The following CDH2 variants were observed in gnomAD, a reference collection of about 807,000 sequenced individuals.
The protein encoded by CDH2 is cadherin 2, also known as cadherin-2.
In CDH2, 17 loss-of-function variants were observed where a neutral mutation model predicts 92.0. The ratio of observed to expected loss-of-function variants is 0.18; its 90% CI spans 0.13 to 0.28. The LOEUF is 0.28. Ranked by LOEUF, CDH2 falls within the 10% of genes least tolerant of loss-of-function variation. The pLI is 1.00. For synonymous variants in CDH2, 419 were observed against 415.9 expected, an observed-to-expected ratio of 1.01 and a Z score of -0.09; for missense variants, 862 against 1,133.1, an observed-to-expected ratio of 0.76 and a Z score of 3.44.
Position 28,093,050 on chromosome 18 carries a change from T to C in CDH2, c.172+54623A>G, listed in dbSNP as rs188524823. On this transcript the variant is annotated intron_variant, in intron 2 of 15. Coordinates refer to ENST00000269141, the MANE Select transcript of CDH2 (RefSeq NM_001792.5). ...AAAAAGGATAGTGGCAACAGAGCGG[T>C]TGGACATTTCATAAGTCATCACGAT... Among the ~76,000 whole-genome samples the C allele has an allele frequency of 8.5e-5, 13 of 152,244 alleles. No homozygotes were observed. The East Asian group carries it at 2.1e-3, about 25-fold the overall frequency.
At chr18:28,161,571 C>T (rs183007983) in intron 1 of CDH2, among the ~76,000 whole-genome samples, 28 of 147,220 alleles carry the variant, frequency 1.9e-4, no homozygotes, top group Admixed American at 7.4e-4. Flanking sequence ...CAGAGTGAAA[C>T]CCTGTCTCGA....
rs1316755633 is a variant in CDH2, at chr18:27,959,132, T to TAA, written c.2514+4223_2514+4224dup. On this transcript the variant is annotated intron_variant, in intron 15 of 15. Transcript: ENST00000269141. ...AAATTATTGGAGGTATATTAATATC[T>TAA]AACTGTTGGGCTGAGATTAAATGAA... 1.2e-4 allele frequency among the ~76,000 whole-genome samples: 18 copies of TAA among 152,222 alleles called. 1 individual carries two copies. Among genetic ancestry groups the TAA allele is most frequent in the Admixed American group, 1.2e-3 (18 of 15,276 alleles).
intron 2 of CDH2, among the ~76,000 whole-genome samples, chr18:28,131,739 T>C (rs571849092): frequency 2.6e-5 from 4 of 151,536 alleles, no homozygotes; most frequent in African/African-American, 9.7e-5. Context: ...ACAGCTCAGT[T>C]AAAATTTCAT....
At chr18:28,030,660 T>TG (rs968948778) in intron 2 of CDH2, among the ~76,000 whole-genome samples, 34 of 152,006 alleles carry the variant, frequency 2.2e-4, no homozygotes, top group African/African-American at 8.0e-4. Context: ...AGGAAGCTGG[T>TG]ACAGCAGCTA....
intron 6 of CDH2, among the ~76,000 whole-genome samples, chr18:27,939,127 C>T (rs980093073): frequency 2.6e-5 from 4 of 152,116 alleles, no homozygotes; most frequent in Non-Finnish European, 5.9e-5. Flanking sequence ...GCTCCTTCCT[C>T]TCAATTTGGC....
At chr18:27,944,105 T>A (rs1449200589) in intron 6 of CDH2, among the ~76,000 whole-genome samples, 1 of 152,200 alleles carries the variant, frequency 6.6e-6, no homozygotes, top group Admixed American at 6.5e-5. Context: ...TCTCATTCAA[T>A]GTTTTGCTGC....
chr18:27,955,936 T>C (rs1291967563), intron 15 of CDH2, among the ~76,000 whole-genome samples: 2 of 152,158 alleles, frequency 1.3e-5, no homozygotes, highest in East Asian at 3.9e-4. Flanking sequence ...GGTTAAGTAC[T>C]TTAAATCCCT....
intron 2 of CDH2, among the ~76,000 whole-genome samples, chr18:28,047,943 A>T (rs1310814157): frequency 1.3e-5 from 2 of 151,410 alleles, no homozygotes; most frequent in African/African-American, 4.8e-5. Flanking sequence ...CCTCTATTTA[A>T]TGTTTTAATA....
intron 2 of CDH2, among the ~76,000 whole-genome samples, chr18:28,059,560 T>C (rs2014360292): frequency 6.6e-6 from 1 of 152,218 alleles, no homozygotes; most frequent in Non-Finnish European, 1.5e-5. Flanking sequence ...CTAACTTCCA[T>C]TTTCTATCCA....
chr18:27,985,154 C>G lies in CDH2; in HGVS notation c.2055G>C (p.Ser685=), dbSNP rs758403489. 1 of 1,613,602 alleles carries G rather than the reference C, an allele frequency of 6.2e-7. No individual in the cohort carries two copies. The highest frequency in any genetic ancestry group is 1.1e-5 in the South Asian group (1 of 91,078). Residue 685 remains serine, a synonymous_variant, in exon 13 of 16, where the codon TCG becomes TCC. Coordinates refer to ENST00000269141, the MANE Select transcript of CDH2 (RefSeq NM_001792.5). ...IYEVPIIITD[S]GNPPKSNISI... ...AAATATTTGATTTGGGAGGATTACC[C>G]GAATCTGTGATTATGATGGGAACTT...
chr18:27,952,239 C>G lies in CDH2; in HGVS notation c.2635G>C (p.Gly879Arg). ...AGGTAATCATAGTCCTGCTCACCAC[C>G]ACTACTTGAGGAATTAAGGGAGCTC... is the stretch of plus-strand genomic sequence containing the variant. ...SLSSLNSSSS[G>R]GEQDYDYLND... The change falls in exon 16 of 16, where the codon GGT (glycine) becomes CGT (arginine). Residue 879 changes from glycine to arginine, a missense_variant. Gly to Arg is a moderately radical substitution (Grantham distance 125). Transcript: ENST00000269141. The G allele has an allele frequency of 6.2e-7, 1 of 1,613,694 alleles. No individual in the cohort carries two copies. The highest frequency in any genetic ancestry group is 8.5e-7 in the Non-Finnish European group (1 of 1,179,740).
chr18:28,103,289 T>C (rs1599102648), intron 2 of CDH2, among the ~76,000 whole-genome samples: 1 of 145,158 alleles, frequency 6.9e-6, no homozygotes, highest in African/African-American at 2.5e-5. Flanking sequence ...AGTATATATA[T>C]AAAAACTCCT....
At chr18:28,077,029 G>A (rs2014733748) in intron 2 of CDH2, among the ~76,000 whole-genome samples, 2 of 152,022 alleles carry the variant, frequency 1.3e-5, no homozygotes, top group Admixed American at 1.3e-4. Context: ...ATCAACTATG[G>A]AAGCACCTAT....
At chr18:28,140,901 T>C (rs2015942456) in intron 2 of CDH2, among the ~76,000 whole-genome samples, 1 of 149,448 alleles carries the variant, frequency 6.7e-6, no homozygotes, top group African/African-American at 2.5e-5. Flanking sequence ...ACAAGATATA[T>C]ATATATATAC....
chr18:28,023,660 G>T (rs2013469912), intron 2 of CDH2, among the ~76,000 whole-genome samples: 1 of 152,000 alleles, frequency 6.6e-6, no homozygotes, highest in Non-Finnish European at 1.5e-5. Flanking sequence ...ATATTTATTT[G>T]CCTCCCTGCA....
chr18:28,039,699 T>G (rs769610476), intron 2 of CDH2, among the ~76,000 whole-genome samples: 55 of 152,198 alleles, frequency 3.6e-4, no homozygotes, highest in Non-Finnish European at 7.1e-4. Context: ...GTGTTTTTTT[T>G]GTCAAATTCT....
intron 1 of CDH2, among the ~76,000 whole-genome samples, chr18:28,173,665 G>T (rs1291502939): frequency 6.6e-6 from 1 of 152,098 alleles, no homozygotes; most frequent in Admixed American, 6.5e-5. Context: ...GAATTTCTAT[G>T]AACATTAAAA....
chr18:27,945,220 G>C (rs1909240676), intron 6 of CDH2, among the ~76,000 whole-genome samples: 1 of 149,482 alleles, frequency 6.7e-6, no homozygotes, highest in African/African-American at 2.5e-5. Context: ...AGACCCGTAA[G>C]ACTGAATTTG....
chr18:27,976,454 G>GA (rs1024677525), intron 14 of CDH2, among the ~76,000 whole-genome samples: 2 of 152,200 alleles, frequency 1.3e-5, no homozygotes, highest in African/African-American at 4.8e-5. Flanking sequence ...AAGGATGGGA[G>GA]AGCCTTCTGA....
Sources: gnomAD v4.1 joint callset for allele counts (sites outside exome capture counted in the v4.1 genomes callset) on GRCh38, gnomAD v4.1.1 for gene constraint, MANE v1.5 for transcripts, NCBI Gene and HGNC (gene_info 2026-07-23, HGNC 2026-07-21) for gene names.